The following SLC35B1 variants were observed in gnomAD, a reference collection of about 807,000 sequenced individuals.
SLC35B1 encodes solute carrier family 35 member B1.
SLC35B1 carries 27 observed loss-of-function variants against 36.6 expected under a neutral mutation model. That is an observed-to-expected ratio of 0.74 (90% CI 0.54 to 1.02). The LOEUF is 1.02. SLC35B1 is among the 50% of genes least tolerant of loss of function. The pLI, the probability that SLC35B1 is intolerant of heterozygous loss-of-function variation, is 0.00. For missense variants in SLC35B1, 321 were observed against 383.2 expected, an observed-to-expected ratio of 0.84 and a Z score of 1.35; for synonymous variants, 162 against 152.5, an observed-to-expected ratio of 1.06 and a Z score of -0.46.
At chr17:49,703,988 T>G in intron 6 of SLC35B1, 112 bp downstream of exon 6, 5 of 1,421,012 alleles carry the variant, frequency 3.5e-6, no homozygotes, top group Non-Finnish European at 4.9e-6. Context: ...AAGGGCATCT[T>G]GGAACTAATT....
intron 8 of SLC35B1, chr17:49,702,631 C>T (rs1356442400): frequency 8.6e-6 from 4 of 462,670 alleles, no homozygotes; most frequent in Non-Finnish European, 1.2e-5. Flanking sequence ...ACTCCGGATG[C>T]TGAGGCAGGA....
chr17:49,708,137 A>G (rs1422485375), upstream of SLC35B1: 1 of 698,712 alleles, frequency 1.4e-6, no homozygotes, highest in South Asian at 1.5e-5. Flanking sequence ...CTCGCCCTGG[A>G]GATTTTTCCA....
intron 1 of SLC35B1, 68 bp downstream of exon 1, chr17:49,707,662 G>C: frequency 6.4e-7 from 1 of 1,551,456 alleles, no homozygotes. Flanking sequence ...CGGGTCCAGA[G>C]GCAGAAGGCC....
chr17:49,706,288 C>T lies in SLC35B1; in HGVS notation c.255G>A (p.Trp85Ter), dbSNP rs2073415739. 1.3e-6 allele frequency: 2 copies of T among 1,595,146 alleles called. No homozygotes were observed. The highest frequency in any genetic ancestry group is 1.7e-6 in the Non-Finnish European group (2 of 1,175,372). The change falls in exon 3 of 9, where the codon TGG becomes TGA. Residue 85 changes from tryptophan to a stop codon, truncating the protein, a stop_gained. Transcript: ENST00000240333. LOFTEE classifies it high-confidence loss of function. ...DTARVDRTRS[W>*]LYAACSISYL... ...AGGAGATAGAACAGGCAGCATAGAG[C>T]CAGCTCCGGGTACGATCCACCCTGG...
chr17:49,707,924 G>C lies in SLC35B1; in HGVS notation c.-91C>G, dbSNP rs962331336. On this transcript the variant is annotated 5_prime_UTR_variant, in exon 1 of 9. Coordinates refer to ENST00000240333, the MANE Select transcript of SLC35B1 (RefSeq NM_005827.4). ...GCGACAGCTCCAGCCGGACATCGCC[G>C]ACCGGCGGCAGGGGCCTCATAGGAG... The C allele has an allele frequency of 6.4e-7, 1 of 1,570,898 alleles. No homozygotes were observed.
At chr17:49,707,400 T>G (rs561305752) in intron 1 of SLC35B1, 3 of 1,436,154 alleles carry the variant, frequency 2.1e-6, no homozygotes, top group East Asian at 6.4e-5. Flanking sequence ...ACGAATAGGT[T>G]GTTTGCAAGC....
At chr17:49,708,021 G>A (rs1046247914), upstream of SLC35B1, 4 of 1,300,050 alleles carry the variant, frequency 3.1e-6, no homozygotes, top group African/African-American at 4.4e-5. Flanking sequence ...TGCCAAGGGG[G>A]AAACTCCTCA....
Position 49,701,354 on chromosome 17 carries a change from C to T in SLC35B1, c.*104G>A. 1 of 849,618 alleles carries T rather than the reference C, an allele frequency of 1.2e-6. No individual in the cohort carries two copies. Among genetic ancestry groups the T allele is most frequent in the Non-Finnish European group, 1.9e-6 (1 of 516,542 alleles). 52.6% of individuals were successfully genotyped at this position (849,618 alleles called of 1,614,324 possible). ...CTTGATTTTATTTTATTAAAAAAGA[C>T]TGGAACTCAGTCCCATATTCCTATT... On this transcript the variant is annotated 3_prime_UTR_variant, in exon 9 of 9. Transcript: ENST00000240333.
chr17:49,704,024 A>G, intron 6 of SLC35B1, 76 bp downstream of exon 6: 1 of 1,600,828 alleles, frequency 6.2e-7, no homozygotes, highest in Non-Finnish European at 8.6e-7. Flanking sequence ...GGCAACTAAC[A>G]GCTAGAGGGA....
Position 49,703,425 on chromosome 17 carries a change from C to T in SLC35B1, c.656-131G>A, listed in dbSNP as rs1598008945. 8.9e-6 allele frequency: 6 copies of T among 675,792 alleles called. No homozygotes were observed. In the East Asian group the frequency reaches 1.1e-4, roughly 13 times the overall value. 41.9% of individuals were successfully genotyped at this position (675,792 alleles called of 1,614,324 possible). A position where few individuals can be genotyped will look rare whatever the true frequency, so the allele number is the denominator to read the frequency against. On this transcript the variant is annotated intron_variant, in intron 6 of 8. Transcript: ENST00000240333. ...AAAGAACTGCAAGGGAGGTGGGACG[C>T]GGGAAAGTGTATGGTGTGGGTTTGC...
At chr17:49,704,343 G>A (rs1286938778) in intron 5 of SLC35B1, 117 bp from the exon 6 acceptor site, 2 of 1,303,958 alleles carry the variant, frequency 1.5e-6, no homozygotes, top group Admixed American at 4.6e-5. Context: ...AAAGTCCTCA[G>A]AACAAAACGT....
intron 1 of SLC35B1, 26 bp from the exon 2 acceptor site, chr17:49,707,094 A>G: frequency 6.4e-7 from 1 of 1,572,570 alleles, no homozygotes; most frequent in Non-Finnish European, 8.7e-7. Context: ...ATGAGAAAAG[A>G]GGGAGAAATT....
intron 5 of SLC35B1, among the ~76,000 whole-genome samples, 186 bp from the exon 6 acceptor site, chr17:49,704,412 G>A (rs573592046): frequency 5.5e-4 from 32 of 57,982 alleles, no homozygotes; most frequent in Non-Finnish European, 1.0e-3. Flanking sequence ...CCCCACCCCC[G>A]CCCCCCGGCC....
rs772093260 is a variant in SLC35B1 at position 49,704,047 on chromosome 17, G to C, written c.655+53C>G. Reference sequence around the variant, plus strand: ...ACAGCTAGAGGGATCAAAAGGATGAGGGCAGCCTGCCCTCTGGTGATACAT... The same window carrying C: ...ACAGCTAGAGGGATCAAAAGGATGACGGCAGCCTGCCCTCTGGTGATACAT... On this transcript the variant is annotated intron_variant, in intron 6 of 8. Coordinates refer to ENST00000240333, the MANE Select transcript of SLC35B1 (RefSeq NM_005827.4). 6.2e-6 allele frequency: 10 copies of C among 1,611,894 alleles called. No homozygotes were observed. The Admixed American group carries it at 1.7e-4, about 27-fold the overall frequency.
At chr17:49,704,054 C>G in intron 6 of SLC35B1, 46 bp downstream of exon 6, 1 of 1,612,926 alleles carries the variant, frequency 6.2e-7, no homozygotes, top group Non-Finnish European at 8.5e-7. Flanking sequence ...TGAGGGCAGC[C>G]TGCCCTCTGG....
At position 49,705,784 on chromosome 17, in the gene SLC35B1, G is replaced by A. The variant is rs150817622; in HGVS notation, c.370+82C>T. The stretch of plus-strand genomic sequence containing the variant: ...ACAGCCATGATGGGATGATGAAGCC[G>A]AGAGGGACACAGTTGTAGCAGAGAG... On this transcript the variant is annotated intron_variant, in intron 4 of 8. Transcript: ENST00000240333. 1.7e-5 allele frequency: 23 copies of A among 1,373,586 alleles called. No homozygotes were observed. In the East Asian group the frequency reaches 3.0e-4, roughly 18 times the overall value. The allele number at this position is 1,373,586 out of a possible 1,614,324, so 85.1% of individuals were successfully genotyped here. A position where few individuals can be genotyped will look rare whatever the true frequency, so the allele number is the denominator to read the frequency against.
chr17:49,706,415 G>C, intron 2 of SLC35B1, 81 bp from the exon 3 acceptor site: 1 of 1,330,880 alleles, frequency 7.5e-7, no homozygotes, highest in Non-Finnish European at 9.8e-7. Context: ...GTGGGGCTAG[G>C]ATGGACCACT....
intron 2 of SLC35B1, 41 bp from the exon 3 acceptor site, chr17:49,706,375 A>ACAAAC: frequency 9.3e-7 from 1 of 1,071,518 alleles, no homozygotes; most frequent in Non-Finnish European, 1.2e-6. Flanking sequence ...AGAAAAGAAA[A>ACAAAC]GAAAAAAAAA....
At chr17:49,705,399 G>A in intron 4 of SLC35B1, 118 bp from the exon 5 acceptor site, 3 of 1,054,272 alleles carry the variant, frequency 2.8e-6, no homozygotes, top group Non-Finnish European at 4.1e-6. Flanking sequence ...TGAGAAGGAA[G>A]GCTTAGAGAG....
Sources: allele counts gnomAD v4.1 joint callset (sites outside exome capture counted in the v4.1 genomes callset), GRCh38; gene constraint gnomAD v4.1.1; transcripts MANE v1.5; gene names NCBI Gene and HGNC (gene_info 2026-07-23, HGNC 2026-07-21).